MARCHF3: variants seen among roughly 807,000 people sequenced by gnomAD.
MARCHF3 encodes the protein E3 ubiquitin-protein ligase MARCHF3.
Under a neutral mutation model 24.2 loss-of-function variants are expected in MARCHF3, and 13 were observed. That is an observed-to-expected ratio of 0.54 (90% CI 0.35 to 0.85). The LOEUF (loss-of-function observed/expected upper bound fraction) is 0.85, where lower values mean the gene tolerates loss of function less well. Among genes scored for constraint, MARCHF3 ranks in the 40% least tolerant of loss-of-function variants. MARCHF3 has a pLI of 0.01. For missense variants in MARCHF3, 276 were observed against 325.0 expected (o/e 0.85, Z 1.16); for synonymous variants, 144 against 137.3 (o/e 1.05, Z -0.34).
chr5:127,004,388 C>T (rs533709199), intron 1 of MARCHF3, among the ~76,000 whole-genome samples: 1 of 152,204 alleles, frequency 6.6e-6, no homozygotes, highest in East Asian at 1.9e-4. Flanking sequence ...AAAAAAACTC[C>T]GTATCACCTT....
intron 4 of MARCHF3, among the ~76,000 whole-genome samples, chr5:126,877,022 A>G (rs1753184093): frequency 6.6e-6 from 1 of 152,226 alleles, no homozygotes; most frequent in Non-Finnish European, 1.5e-5. Context: ...CAGAATGTCT[A>G]AATTAACCAT....
intron 1 of MARCHF3, among the ~76,000 whole-genome samples, chr5:126,979,695 T>C (rs543240691): frequency 6.6e-6 from 1 of 152,252 alleles, no homozygotes; most frequent in Non-Finnish European, 1.5e-5. Context: ...ACGCCTGTAA[T>C]CCCAGCACTC....
At chr5:126,913,475 T>C (rs994168763) in intron 3 of MARCHF3, among the ~76,000 whole-genome samples, 1 of 152,254 alleles carries the variant, frequency 6.6e-6, no homozygotes, top group Non-Finnish European at 1.5e-5. Flanking sequence ...AGTTAAGTTC[T>C]AAAATGTTAA....
intron 1 of MARCHF3, among the ~76,000 whole-genome samples, chr5:126,989,845 T>G (rs1460790394): frequency 6.6e-6 from 1 of 152,138 alleles, no homozygotes; most frequent in Non-Finnish European, 1.5e-5. Context: ...GAAATCTGGC[T>G]GGGTGCAGTG....
At position 126,870,008 on chromosome 5, in the gene MARCHF3, C is replaced by A. The variant is rs936044115; in HGVS notation, c.*625G>T. On this transcript the variant is annotated 3_prime_UTR_variant, in exon 5 of 5. Transcript: ENST00000308660. The stretch of plus-strand genomic sequence containing the variant: ...ACAGCTCACTGTGTGAGCTCACGCC[C>A]TTTTTCCCTTTAAAAACTGAATAAT... 4 of 147,050 alleles carry A rather than the reference C, an allele frequency of 2.7e-5. No individual in the cohort carries two copies. The highest frequency in any genetic ancestry group is 5.9e-5 in the Non-Finnish European group (4 of 67,686). 9.1% of individuals were successfully genotyped at this position (147,050 alleles called of 1,614,324 possible).
chr5:126,918,043 T>G lies in MARCHF3; in HGVS notation c.129A>C (p.Gln43His). 6.2e-7 allele frequency: 1 copy of G among 1,614,164 alleles called. No homozygotes were observed. The change falls in exon 2 of 5, where the codon CAA (glutamine) becomes CAC (histidine). Residue 43 changes from glutamine (Q) to histidine (H), a missense_variant. Gln to His is a conservative substitution (Grantham distance 24, BLOSUM62 0). Coordinates refer to ENST00000308660, the MANE Select transcript of MARCHF3 (RefSeq NM_178450.5). ...GCAGCTGCCCGTCCTTGGCTGAAAC[T>G]TGCATGACATACTGCGGCTGCCCAT... ...LVNGQPQYVM[Q>H]VSAKDGQLLS...
chr5:126,967,834 C>T (rs1402223227), intron 1 of MARCHF3, among the ~76,000 whole-genome samples: 3 of 152,216 alleles, frequency 2.0e-5, no homozygotes, highest in Non-Finnish European at 4.4e-5. Context: ...TAATATAACA[C>T]ATCATAAAAC....
chr5:126,970,800 T>C (rs184521828), intron 1 of MARCHF3, among the ~76,000 whole-genome samples: 1 of 152,318 alleles, frequency 6.6e-6, no homozygotes, highest in Admixed American at 6.5e-5. Flanking sequence ...AAAAGCTTCA[T>C]TTTCCTACTT....
intron 1 of MARCHF3, among the ~76,000 whole-genome samples, chr5:126,927,083 C>T (rs1188249717): frequency 6.6e-6 from 1 of 152,140 alleles, no homozygotes; most frequent in African/African-American, 2.4e-5. Flanking sequence ...GAATTACTTT[C>T]CTTGGCCTTA....
chr5:126,905,794 G>A (rs1754269902), intron 3 of MARCHF3, among the ~76,000 whole-genome samples: 1 of 151,856 alleles, frequency 6.6e-6, no homozygotes, highest in South Asian at 2.1e-4. Context: ...TTTCCTAATT[G>A]AATACCCTTT....
chr5:127,016,002 G>A (rs1580491484), intron 1 of MARCHF3, among the ~76,000 whole-genome samples: 1 of 152,062 alleles, frequency 6.6e-6, no homozygotes, highest in African/African-American at 2.4e-5. Flanking sequence ...TGCCAGAATC[G>A]AAGGAACCCT....
chr5:126,873,425 GAGAGAC>G (rs1472150979), intron 4 of MARCHF3, among the ~76,000 whole-genome samples: 2 of 149,856 alleles, frequency 1.3e-5, no homozygotes, highest in Admixed American at 6.6e-5. Context: ...AAAAAAAAAA[GAGAGAC>G]AGAGACAGAT....
chr5:126,992,766 A>T (rs1205796568), intron 1 of MARCHF3, among the ~76,000 whole-genome samples: 44 of 95,462 alleles, frequency 4.6e-4, no homozygotes, highest in South Asian at 1.2e-3. Flanking sequence ...CATCCACGTG[A>T]TTTTTTTTTT....
At chr5:127,016,612 G>T (rs1328938980) in intron 1 of MARCHF3, among the ~76,000 whole-genome samples, 3 of 152,200 alleles carry the variant, frequency 2.0e-5, no homozygotes, top group Non-Finnish European at 2.9e-5. Flanking sequence ...GGAAACAACA[G>T]ATGCTGGAGA....
At chr5:127,018,968 A>G (rs909294708) in intron 1 of MARCHF3, among the ~76,000 whole-genome samples, 12 of 152,244 alleles carry the variant, frequency 7.9e-5, no homozygotes, top group Non-Finnish European at 1.8e-4. Context: ...GCTATGAAAT[A>G]TAAAGTTAAT....
chr5:126,895,854 C>A (rs999339948), intron 3 of MARCHF3, among the ~76,000 whole-genome samples: 5 of 152,152 alleles, frequency 3.3e-5, no homozygotes, highest in Admixed American at 3.3e-4. Flanking sequence ...TTGGAGCTTC[C>A]GGGCTGCTTT....
At chr5:126,954,972 G>A (rs1750391820) in intron 1 of MARCHF3, among the ~76,000 whole-genome samples, 1 of 151,844 alleles carries the variant, frequency 6.6e-6, no homozygotes, top group South Asian at 2.1e-4. Context: ...CTACACATAG[G>A]CATCTATAAA....
At position 126,914,721 on chromosome 5, in the gene MARCHF3, A is replaced by C. The variant is rs909656876; in HGVS notation, c.393+209T>G. The C allele has an allele frequency of 2.9e-5, 17 of 590,690 alleles. No individual in the cohort carries two copies. The Admixed American group carries it at 3.0e-4, about 10-fold the overall frequency. The allele number at this position is 590,690 out of a possible 1,614,324, so 36.6% of individuals were successfully genotyped here. On this transcript the variant is annotated intron_variant, in intron 3 of 4. Coordinates refer to ENST00000308660, the MANE Select transcript of MARCHF3 (RefSeq NM_178450.5). ...ACTGCTGGATCCCAAGTGAGCTAGCAAGCTCTCCCTTCTCTGTGTCTGTCT... is the reference window on the plus strand; with the variant it reads ...ACTGCTGGATCCCAAGTGAGCTAGCCAGCTCTCCCTTCTCTGTGTCTGTCT...
At chr5:127,018,048 A>T (rs140940500) in intron 1 of MARCHF3, among the ~76,000 whole-genome samples, 97 of 152,324 alleles carry the variant, frequency 6.4e-4, no homozygotes, top group African/African-American at 2.3e-3. Context: ...GGAGGCAGAT[A>T]AAAACAAGTA....
Sources: allele counts gnomAD v4.1 joint callset (sites outside exome capture counted in the v4.1 genomes callset), GRCh38; gene constraint gnomAD v4.1.1; transcripts MANE v1.5; gene names NCBI Gene and HGNC (gene_info 2026-07-23, HGNC 2026-07-21).